INTS4: variants seen among roughly 807,000 people sequenced by gnomAD.
INTS4 encodes the protein MSTP093.
INTS4 carries 70 observed loss-of-function variants against 119.5 expected under a neutral mutation model. That is an observed-to-expected ratio of 0.59 (90% CI 0.48 to 0.71). The LOEUF (loss-of-function observed/expected upper bound fraction) is 0.71, where lower values mean the gene tolerates loss of function less well. INTS4 is among the 30% of genes least tolerant of loss of function. INTS4 has a pLI of 0.00. For synonymous variants in INTS4, 316 were observed against 419.6 expected, an observed-to-expected ratio of 0.75 and a Z score of 3.02; for missense variants, 867 against 1,173.2, an observed-to-expected ratio of 0.74 and a Z score of 3.81.
chr11:77,921,867 C>A (rs1444362025), intron 13 of INTS4, among the ~76,000 whole-genome samples: 1 of 152,088 alleles, frequency 6.6e-6, no homozygotes, highest in Non-Finnish European at 1.5e-5. Flanking sequence ...CCCGTCTCTA[C>A]TAAAAATACA....
intron 15 of INTS4, among the ~76,000 whole-genome samples, chr11:77,910,227 A>G (rs1422050025): frequency 6.6e-6 from 1 of 152,086 alleles, no homozygotes; most frequent in Non-Finnish European, 1.5e-5. Context: ...GATTAAGAAA[A>G]TGTGGCATAT....
At chr11:77,917,769 T>G (rs1021835776) in intron 15 of INTS4, among the ~76,000 whole-genome samples, 1 of 151,934 alleles carries the variant, frequency 6.6e-6, no homozygotes, top group African/African-American at 2.4e-5. Context: ...TAAATTTTTT[T>G]CATATCATTC....
At chr11:77,954,354 TG>T (rs1374257805) in intron 8 of INTS4, among the ~76,000 whole-genome samples, 1 of 152,134 alleles carries the variant, frequency 6.6e-6, no homozygotes, top group African/African-American at 2.4e-5. Context: ...CTTGCTGTGT[TG>T]CCCAGGCTGG....
intron 11 of INTS4, among the ~76,000 whole-genome samples, chr11:77,925,919 A>G (rs1418690661): frequency 3.3e-5 from 5 of 152,220 alleles, no homozygotes; most frequent in African/African-American, 1.2e-4. Flanking sequence ...TCAAGACTCA[A>G]CTTGAACATC....
rs1952990758 is a variant in INTS4 at position 77,907,702 on chromosome 11, T to C, written c.2016+15A>G. The C allele has an allele frequency of 2.5e-6, 4 of 1,591,848 alleles. No homozygotes were observed. The highest frequency in any genetic ancestry group is 1.7e-4 in the Middle Eastern group (1 of 6,042). ...TTTAGCAACACAATCATAAATGGAA[T>C]GGATGCAAACCAACCTTGATGAGAA... On this transcript the variant is annotated intron_variant, in intron 16 of 22. Coordinates refer to ENST00000534064, the MANE Select transcript of INTS4 (RefSeq NM_033547.4).
intron 8 of INTS4, among the ~76,000 whole-genome samples, chr11:77,953,335 T>G (rs1433051548): frequency 6.6e-6 from 1 of 152,206 alleles, no homozygotes; most frequent in Non-Finnish European, 1.5e-5. Flanking sequence ...ACACATATAT[T>G]TATATACTAT....
intron 21 of INTS4, among the ~76,000 whole-genome samples, chr11:77,886,675 A>G (rs911466807): frequency 3.3e-5 from 5 of 152,192 alleles, no homozygotes; most frequent in African/African-American, 1.2e-4. Flanking sequence ...CAGCAGGGAA[A>G]GAAGACCCTG....
At position 77,954,059 on chromosome 11, in the gene INTS4, G is replaced by A. The variant is rs12789017; in HGVS notation, c.918+1883C>T. Among the ~76,000 whole-genome samples, 18 of 152,080 alleles carry A rather than the reference G, an allele frequency of 1.2e-4. No individual in the cohort carries two copies. The East Asian group carries it at 1.5e-3, about 13-fold the overall frequency. On this transcript the variant is annotated intron_variant, in intron 8 of 22. Coordinates refer to ENST00000534064, the MANE Select transcript of INTS4 (RefSeq NM_033547.4). ...GATCTCTTGACCTCGTGATCCGCCC[G>A]CCTTGGCCTCCCAAAGTGCTGGGAT...
intron 17 of INTS4, among the ~76,000 whole-genome samples, chr11:77,902,048 TC>T: frequency 6.6e-6 from 1 of 152,300 alleles, no homozygotes; most frequent in Middle Eastern, 3.4e-3. Context: ...TGACCCCAGA[TC>T]AAGTCCCCGA....
At chr11:77,914,273 A>C (rs1953156092) in intron 15 of INTS4, among the ~76,000 whole-genome samples, 1 of 152,196 alleles carries the variant, frequency 6.6e-6, no homozygotes, top group African/African-American at 2.4e-5. Context: ...CCAGACCATG[A>C]AGGCGAGTAC....
At chr11:77,963,516 G>A in intron 4 of INTS4, 1 of 394,386 alleles carries the variant, frequency 2.5e-6, no homozygotes, top group South Asian at 1.9e-5. Context: ...AATGGAGCAA[G>A]TAAGGAAACC....
At chr11:77,993,801 C>T (rs1032015237) in intron 1 of INTS4, among the ~76,000 whole-genome samples, 3 of 152,078 alleles carry the variant, frequency 2.0e-5, no homozygotes, top group Non-Finnish European at 4.4e-5. Flanking sequence ...GTCAGGAATG[C>T]AGAATCTTGC....
At chr11:77,992,700 G>C (rs868319398) in intron 1 of INTS4, among the ~76,000 whole-genome samples, 1 of 152,178 alleles carries the variant, frequency 6.6e-6, no homozygotes, top group African/African-American at 2.4e-5. Flanking sequence ...TAAGGACTTT[G>C]GAGTCAGAGG....
At chr11:77,889,549 TAATAA>T (rs1036330108) in intron 21 of INTS4, among the ~76,000 whole-genome samples, 2 of 152,054 alleles carry the variant, frequency 1.3e-5, no homozygotes, top group African/African-American at 4.8e-5. Context: ...AGTATAATAA[TAATAA>T]AATAAAATAA....
intron 21 of INTS4, among the ~76,000 whole-genome samples, chr11:77,887,440 C>T (rs1479264869): frequency 3.9e-5 from 6 of 152,096 alleles, no homozygotes; most frequent in African/African-American, 1.4e-4. Flanking sequence ...TAAGAGCTAT[C>T]TATGACAAAC....
intron 14 of INTS4, among the ~76,000 whole-genome samples, chr11:77,920,258 C>CATATATACAT (rs1555026451): frequency 1.4e-5 from 2 of 142,498 alleles, no homozygotes; most frequent in African/African-American, 2.6e-5. Flanking sequence ...TACATATATA[C>CATATATACAT]ATATATACAC....
chr11:77,959,720 A>T (rs1387683387), intron 6 of INTS4, among the ~76,000 whole-genome samples: 4 of 152,130 alleles, frequency 2.6e-5, no homozygotes, highest in Non-Finnish European at 5.9e-5. Context: ...GGCTTGGCTA[A>T]TTATCTTCTT....
In INTS4 at chr11:77,963,367, A is replaced by AC. The variant is rs1430299442; in HGVS notation, c.472-2230_472-2229insG. 1.5e-3 allele frequency: 569 copies of AC among 389,684 alleles called. 2 individuals carry two copies. The highest frequency in any genetic ancestry group is 0.011 in the African/African-American group (461 of 42,426). 24.1% of individuals were successfully genotyped at this position (389,684 alleles called of 1,614,324 possible). A position where few individuals can be genotyped will look rare whatever the true frequency, so the allele number is the denominator to read the frequency against. On this transcript the variant is annotated intron_variant, in intron 4 of 22. Transcript: ENST00000534064. ...GACTCCGTCTCAAAAAAAAAAAAAA[A>AC]AAAAAAACAAAAAAAACTGCTTTTC...
intron 17 of INTS4, among the ~76,000 whole-genome samples, chr11:77,902,993 C>T (rs573621431): frequency 1.3e-5 from 2 of 152,338 alleles, no homozygotes; most frequent in South Asian, 2.1e-4. Context: ...CGGTCTCAAA[C>T]TCCTAACCTT....
Sources: gnomAD v4.1 joint callset for allele counts (sites outside exome capture counted in the v4.1 genomes callset) on GRCh38, gnomAD v4.1.1 for gene constraint, MANE v1.5 for transcripts, NCBI Gene and HGNC (gene_info 2026-07-23, HGNC 2026-07-21) for gene names.